Variants in NDRG4 observed in about 807,000 individuals in gnomAD.
NDRG4 encodes the protein NDRG family member 4, also known as protein NDRG4.
Under a neutral mutation model 55.8 loss-of-function variants are expected in NDRG4, and 38 were observed. The ratio of observed to expected loss-of-function variants is 0.68; its 90% CI spans 0.53 to 0.89. The LOEUF (loss-of-function observed/expected upper bound fraction) is 0.89. Among genes scored for constraint, NDRG4 ranks in the 40% least tolerant of loss-of-function variants. The probability of loss-of-function intolerance (pLI) is 0.00; values close to 1 mark genes in which losing one functional copy is unlikely to be tolerated. For synonymous variants in NDRG4, 190 were observed against 182.7 expected, an observed-to-expected ratio of 1.04 and a Z score of -0.32; for missense variants, 455 against 468.6, an observed-to-expected ratio of 0.97 and a Z score of 0.27.
intron 2 of NDRG4, among the ~76,000 whole-genome samples, chr16:58,489,976 C>T (rs913016452): frequency 7.9e-5 from 12 of 152,104 alleles, no homozygotes; most frequent in Admixed American, 2.6e-4. Context: ...TCCCGAGTAG[C>T]GAGGATCTTA....
chr16:58,478,287 G>A (rs968953726), intron 1 of NDRG4, among the ~76,000 whole-genome samples: 10 of 152,078 alleles, frequency 6.6e-5, no homozygotes, highest in African/African-American at 2.4e-4. Flanking sequence ...TACTTGGGAG[G>A]CTGAGGCAGG....
intron 1 of NDRG4, among the ~76,000 whole-genome samples, chr16:58,482,665 A>ATCCCTCCCTTCCCTCC (rs2034554289): frequency 1.4e-5 from 1 of 71,080 alleles, no homozygotes; most frequent in Non-Finnish European, 3.0e-5. Flanking sequence ...CTCTCTTTCC[A>ATCCCTCCCTTCCCTCC]TCCCTCCCTT....
chr16:58,484,169 A>C (rs1443873132), intron 1 of NDRG4, among the ~76,000 whole-genome samples: 1 of 152,184 alleles, frequency 6.6e-6, no homozygotes, highest in Non-Finnish European at 1.5e-5. Context: ...CAAGAGTTCA[A>C]GACCAACCTG....
rs746586886 is a variant in NDRG4, at chr16:58,511,618, C to T, written c.*42C>T. On this transcript the variant is annotated 3_prime_UTR_variant, in exon 15 of 15. Coordinates refer to ENST00000570248, the MANE Select transcript of NDRG4 (RefSeq NM_001242835.2). Reference sequence around the variant, plus strand: ...GACGACGCCCACGTCGAGGCCCCACCGCCATCCTTGCGCCGGCTCATGTTC... The same window carrying T: ...GACGACGCCCACGTCGAGGCCCCACTGCCATCCTTGCGCCGGCTCATGTTC... The T allele has an allele frequency of 6.8e-6, 11 of 1,611,778 alleles. No individual in the cohort carries two copies. Among genetic ancestry groups the T allele is most frequent in the Admixed American group, 1.7e-5 (1 of 60,014 alleles).
chr16:58,503,329 C>T lies in NDRG4; in HGVS notation c.22-469C>T, dbSNP rs371381932. On this transcript the variant is annotated intron_variant, in intron 1 of 14. Coordinates refer to ENST00000570248, the MANE Select transcript of NDRG4 (RefSeq NM_001242835.2). ...TGGGAGCCAGGGGCAGTGCCGGGGT[C>T]GGGGCTAGGCTTGGCTGGCACGGGG... 9.9e-4 allele frequency among the ~76,000 whole-genome samples: 151 copies of T among 152,024 alleles called. 2 individuals are homozygous for T. Among genetic ancestry groups the T allele is most frequent in the African/African-American group, 2.8e-3 (117 of 41,462 alleles).
At chr16:58,487,932 C>A in intron 2 of NDRG4, 2 of 1,096,440 alleles carry the variant, frequency 1.8e-6, no homozygotes, top group Non-Finnish European at 2.5e-6. Flanking sequence ...GCCTTTCCTG[C>A]AGCCGACCCT....
chr16:58,508,533 C>A (rs1945063810), intron 10 of NDRG4, among the ~76,000 whole-genome samples: 1 of 152,124 alleles, frequency 6.6e-6, no homozygotes, highest in Non-Finnish European at 1.5e-5. Context: ...CCCCGTGCGC[C>A]CTGAAAATAC....
intron 1 of NDRG4, chr16:58,501,350 C>T: frequency 2.9e-6 from 1 of 346,070 alleles, no homozygotes; most frequent in Non-Finnish European, 5.2e-6. Flanking sequence ...CTCAAGGTCA[C>T]AGGCGAGGGG....
chr16:58,505,869 A>AT (rs2037901456), intron 5 of NDRG4: 1 of 236,714 alleles, frequency 4.2e-6, no homozygotes, highest in Admixed American at 6.1e-5. Flanking sequence ...CTACAGGTGC[A>AT]TGCCACCACG....
chr16:58,463,745 G>A (rs1298056556), exon 1 of NDRG4: 1 of 150,540 alleles, frequency 6.6e-6, no homozygotes, highest in African/African-American at 2.4e-5. Context: ...GCGCGTCGGC[G>A]GCGCCGAAGC....
chr16:58,498,713 C>A (rs1477086789), upstream of NDRG4, among the ~76,000 whole-genome samples: 2 of 152,118 alleles, frequency 1.3e-5, no homozygotes, highest in Non-Finnish European at 2.9e-5. Context: ...TGCCCTGACC[C>A]CACCCTTGCC....
chr16:58,495,085 G>T, intron 3 of NDRG4: 1 of 1,462,466 alleles, frequency 6.8e-7, no homozygotes, highest in Non-Finnish European at 9.5e-7. Context: ...AGGTCCCAGA[G>T]GAGGGTCACA....
chr16:58,487,966 AGCCCTGTCCCT>A, intron 2 of NDRG4: 1 of 729,912 alleles, frequency 1.4e-6, no homozygotes, highest in South Asian at 2.6e-5. Context: ...CACACCGAGA[AGCCCTGTCCCT>A]GCCTGTGGGG....
intron 1 of NDRG4, chr16:58,501,514 C>T (rs541581605): frequency 8.6e-5 from 14 of 163,228 alleles, no homozygotes; most frequent in Non-Finnish European, 1.7e-4. Context: ...GAGTGCACCG[C>T]GCTGTGGCCC....
At chr16:58,503,577 C>T (rs1474084868) in intron 1 of NDRG4, 1 of 851,618 alleles carries the variant, frequency 1.2e-6, no homozygotes, top group Non-Finnish European at 1.9e-6. Context: ...AGACCTTCCC[C>T]ATGCAGATCA....
chr16:58,492,533 TGTGTGTGTGTGTGTGTGTGAGA>T (rs1488787902), intron 2 of NDRG4, among the ~76,000 whole-genome samples: 7 of 93,642 alleles, frequency 7.5e-5, no homozygotes, highest in Admixed American at 9.9e-5. Flanking sequence ...TGTGTGTGTG[TGTGTGTGTGTGTGTGTGTGAGA>T]GACAGACAGA....
intron 2 of NDRG4, among the ~76,000 whole-genome samples, chr16:58,492,539 T>A (rs1335385040): frequency 1.6e-4 from 10 of 61,970 alleles, no homozygotes; most frequent in African/African-American, 4.7e-4. Context: ...TGTGTGTGTG[T>A]GTGTGTGTGT....
chr16:58,486,308 C>G (rs929103474), intron 1 of NDRG4, among the ~76,000 whole-genome samples: 9 of 152,176 alleles, frequency 5.9e-5, no homozygotes, highest in Middle Eastern at 3.4e-3. Flanking sequence ...ACCACAGGCT[C>G]TCACCACCAC....
chr16:58,485,343 C>T (rs1284364441), intron 1 of NDRG4, among the ~76,000 whole-genome samples: 1 of 152,148 alleles, frequency 6.6e-6, no homozygotes, highest in Non-Finnish European at 1.5e-5. Flanking sequence ...TCTCTCTCTG[C>T]CCCCTTCCCC....
Sources: allele counts gnomAD v4.1 joint callset (sites outside exome capture counted in the v4.1 genomes callset), GRCh38; gene constraint gnomAD v4.1.1; transcripts MANE v1.5; gene names NCBI Gene and HGNC (gene_info 2026-07-23, HGNC 2026-07-21).